The following RASL10B variants were observed in gnomAD, a reference collection of about 807,000 sequenced individuals.
RASL10B encodes RAS like family 10 member B.
A neutral mutation model predicts 20.7 loss-of-function variants in RASL10B; 10 were observed. The observed-to-expected ratio is 0.48, with a 90% confidence interval of 0.30 to 0.82. The LOEUF (loss-of-function observed/expected upper bound fraction) is 0.82, where lower values mean the gene tolerates loss of function less well. Among genes scored for constraint, RASL10B ranks in the 40% least tolerant of loss-of-function variants. The probability of loss-of-function intolerance (pLI) is 0.07; values close to 1 mark genes in which losing one functional copy is unlikely to be tolerated. For missense variants in RASL10B, 231 were observed against 295.4 expected, an observed-to-expected ratio of 0.78 and a Z score of 1.60; for synonymous variants, 110 against 123.3, an observed-to-expected ratio of 0.89 and a Z score of 0.72.
At position 35,740,411 on chromosome 17, in the gene RASL10B, G is replaced by C; in HGVS notation, c.219G>C (p.Glu73Asp). The C allele has an allele frequency of 6.2e-7, 1 of 1,613,564 alleles. No homozygotes were observed. The change falls in exon 3 of 4, where the codon GAG (glutamate) becomes GAC (aspartate). Residue 73 changes from glutamate to aspartate, a missense_variant and splice_region_variant. Coordinates refer to ENST00000603017, the MANE Select transcript of RASL10B (RefSeq NM_033315.4). ...ISAFPVNTLQ[E>D]WADTCCRGLR... ...GGTACTGGCTGGGGATATTGCAGGA[G>C]TGGGCAGACACCTGCTGCAGGGGAC...
chr17:35,734,366 G>T (rs1555596780), intron 1 of RASL10B, among the ~76,000 whole-genome samples: 3 of 152,258 alleles, frequency 2.0e-5, no homozygotes, highest in South Asian at 2.1e-4. Context: ...CTCTAAAGTG[G>T]GAATAACAGT....
At chr17:35,736,436 G>A (rs1267702383) in intron 2 of RASL10B, among the ~76,000 whole-genome samples, 1 of 152,212 alleles carries the variant, frequency 6.6e-6, no homozygotes, top group East Asian at 1.9e-4. Flanking sequence ...GGCAACACCA[G>A]GCAGGAGGGC....
rs1555597066 is a variant in RASL10B, at chr17:35,735,414, G to A, written c.216+14G>A. 2 of 1,611,822 alleles carry A rather than the reference G, an allele frequency of 1.2e-6. No individual in the cohort carries two copies. Among genetic ancestry groups the A allele is most frequent in the Non-Finnish European group, 1.7e-6 (2 of 1,178,320 alleles). ...AATACGCTCCAGGTAGGAGGACCCT[G>A]GGGGGCATGGGTTAGTGGGGAAACG... is the stretch of plus-strand genomic sequence containing the variant. On this transcript the variant is annotated intron_variant, in intron 2 of 3. Transcript: ENST00000603017. This position sits in a 1 kb window ranked among gnomAD's most constrained non-coding sequence, Gnocchi z 6.7.
chr17:35,741,502 C>G lies in RASL10B; in HGVS notation c.*197C>G. 2.4e-6 allele frequency: 2 copies of G among 830,918 alleles called. No individual in the cohort carries two copies. Among genetic ancestry groups the G allele is most frequent in the Non-Finnish European group, 3.4e-6 (2 of 592,616 alleles). The allele number at this position is 830,918 out of a possible 1,614,324, so 51.5% of individuals were successfully genotyped here. ...AACTGCCCAGCCCTGCCCCTTGCCC[C>G]CGTGGCTTCCTGGGACAGCCGCCTT... On this transcript the variant is annotated 3_prime_UTR_variant, in exon 4 of 4. Transcript: ENST00000603017.
chr17:35,737,730 C>T (rs868926027), intron 2 of RASL10B, among the ~76,000 whole-genome samples: 1 of 151,804 alleles, frequency 6.6e-6, no homozygotes, highest in Non-Finnish European at 1.5e-5. Flanking sequence ...GACAAAACTC[C>T]GTCTCTACCA....
chr17:35,735,738 T>C lies in RASL10B; in HGVS notation c.216+338T>C, dbSNP rs782031572. 6.6e-6 allele frequency among the ~76,000 whole-genome samples: 1 copy of C among 152,170 alleles called. No homozygotes were observed. Among genetic ancestry groups the C allele is most frequent in the Non-Finnish European group, 1.5e-5 (1 of 68,032 alleles). Reference sequence around the variant, plus strand: ...AAATATGGTGTGATAAGTTCTATGATTGGAGGAGCAGGGAGCTGGGGCAGC... The same window carrying C: ...AAATATGGTGTGATAAGTTCTATGACTGGAGGAGCAGGGAGCTGGGGCAGC... On this transcript the variant is annotated intron_variant, in intron 2 of 3. Coordinates refer to ENST00000603017, the MANE Select transcript of RASL10B (RefSeq NM_033315.4). The surrounding 1 kb of genome is among the most constrained non-coding windows in gnomAD (Gnocchi z 6.7).
chr17:35,741,113 C>T lies in RASL10B; in HGVS notation c.420C>T (p.Arg140=). 6.2e-7 allele frequency: 1 copy of T among 1,613,566 alleles called. No individual in the cohort carries two copies. The highest frequency in any genetic ancestry group is 8.5e-7 in the Non-Finnish European group (1 of 1,179,996). ...RDLQRGRVIP[R]WNVSHLVRKT... ...TGCAGCGCGGACGCGTGATCCCGCG[C>T]TGGAACGTGTCGCACCTGGTACGCA... Residue 140 remains arginine (R), a synonymous_variant, in exon 4 of 4, where the codon CGC becomes CGT. Coordinates refer to ENST00000603017, the MANE Select transcript of RASL10B (RefSeq NM_033315.4).
At chr17:35,738,932 G>A (rs1042516651) in intron 2 of RASL10B, among the ~76,000 whole-genome samples, 10 of 152,274 alleles carry the variant, frequency 6.6e-5, no homozygotes, top group African/African-American at 1.9e-4. Flanking sequence ...TTGGGGGATC[G>A]TGGGAGCATC....
At chr17:35,732,884 G>C (rs781932337) in intron 1 of RASL10B, among the ~76,000 whole-genome samples, 10 of 152,172 alleles carry the variant, frequency 6.6e-5, no homozygotes, top group Non-Finnish European at 8.8e-5. Context: ...TGCCATGCTG[G>C]TGGTAGTGGT....
In RASL10B at chr17:35,741,562, C is replaced by T. The variant is rs1555597993; in HGVS notation, c.*257C>T. On this transcript the variant is annotated 3_prime_UTR_variant, in exon 4 of 4. Transcript: ENST00000603017. ...ATTTAGTGCAGTGCCCGGCCCGACC[C>T]GCGGGGGTGCCACAGCCTTTTGGGA... is the stretch of plus-strand genomic sequence containing the variant. 2.3e-6 allele frequency: 1 copy of T among 439,820 alleles called. No individual in the cohort carries two copies. The highest frequency in any genetic ancestry group is 3.8e-6 in the Non-Finnish European group (1 of 263,446). 27.2% of individuals were successfully genotyped at this position (439,820 alleles called of 1,614,324 possible).
chr17:35,741,102 G>C lies in RASL10B; in HGVS notation c.409G>C (p.Val137Leu). The C allele has an allele frequency of 9.3e-6, 15 of 1,613,326 alleles. No homozygotes were observed. The highest frequency in any genetic ancestry group is 1.3e-5 in the Non-Finnish European group (15 of 1,179,852). ...CAAGCGGGACCTGCAGCGCGGACGC[G>C]TGATCCCGCGCTGGAACGTGTCGCA... Reference protein sequence around the residue: ...GNKRDLQRGRVIPRWNVSHLV... With the variant: ...GNKRDLQRGRLIPRWNVSHLV... The change falls in exon 4 of 4, where the codon GTG (valine) becomes CTG (leucine). Residue 137 changes from valine (V) to leucine (L), a missense_variant. Physicochemically the swap from Val to Leu is conservative, Grantham distance 32. Coordinates refer to ENST00000603017, the MANE Select transcript of RASL10B (RefSeq NM_033315.4).
At position 35,740,405 on chromosome 17, in the gene RASL10B, G is replaced by A. The variant is rs1555597718; in HGVS notation, c.217-4G>A. The A allele has an allele frequency of 6.2e-7, 1 of 1,612,876 alleles. No homozygotes were observed. Among genetic ancestry groups the A allele is most frequent in the African/African-American group, 1.3e-5 (1 of 74,916 alleles). On this transcript the variant is annotated splice_polypyrimidine_tract_variant and splice_region_variant and intron_variant, in intron 2 of 3. Coordinates refer to ENST00000603017, the MANE Select transcript of RASL10B (RefSeq NM_033315.4). ...GACCCTGGTACTGGCTGGGGATATTGCAGGAGTGGGCAGACACCTGCTGCA... is the reference window on the plus strand; with the variant it reads ...GACCCTGGTACTGGCTGGGGATATTACAGGAGTGGGCAGACACCTGCTGCA...
At chr17:35,736,312 G>A (rs1422459716) in intron 2 of RASL10B, among the ~76,000 whole-genome samples, 1 of 152,216 alleles carries the variant, frequency 6.6e-6, no homozygotes, top group African/African-American at 2.4e-5. Flanking sequence ...CAGTGGTGGA[G>A]GCCCAGAAGA....
intron 3 of RASL10B, 129 bp from the exon 4 acceptor site, chr17:35,740,906 C>T (rs782589312): frequency 3.2e-5 from 24 of 741,536 alleles, no homozygotes; most frequent in Non-Finnish European, 5.2e-5. Flanking sequence ...ATAACACCTC[C>T]AGGGCTTAGG....
At chr17:35,733,251 G>T (rs587632338) in intron 1 of RASL10B, among the ~76,000 whole-genome samples, 1 of 152,208 alleles carries the variant, frequency 6.6e-6, no homozygotes, top group African/African-American at 2.4e-5. Flanking sequence ...TTTGTGGGAA[G>T]CTTAGATGAA....
chr17:35,741,949 C>T lies in RASL10B; in HGVS notation c.*644C>T, dbSNP rs1292479194. On this transcript the variant is annotated 3_prime_UTR_variant, in exon 4 of 4. Transcript: ENST00000603017. ...CAGTGAGGGGAGAAGGTTGAGCTCT[C>T]CGGCTTCCAGGGAGACCTCCCCGCC... is the stretch of plus-strand genomic sequence containing the variant. 1 of 152,740 alleles carries T rather than the reference C, an allele frequency of 6.5e-6. No homozygotes were observed. Among genetic ancestry groups the T allele is most frequent in the Non-Finnish European group, 1.5e-5 (1 of 68,222 alleles). The allele number at this position is 152,740 out of a possible 1,614,324, so 9.5% of individuals were successfully genotyped here.
At chr17:35,739,044 G>T (rs1158270968) in intron 2 of RASL10B, among the ~76,000 whole-genome samples, 5 of 152,158 alleles carry the variant, frequency 3.3e-5, no homozygotes, top group African/African-American at 1.2e-4. Flanking sequence ...GTTTGTCCTC[G>T]GCATCCTCCC....
In RASL10B at chr17:35,735,005, C is replaced by T. The variant is rs1418941244; in HGVS notation, c.-147-33C>T. 3.2e-6 allele frequency: 2 copies of T among 632,272 alleles called. No individual in the cohort carries two copies. Among genetic ancestry groups the T allele is most frequent in the Non-Finnish European group, 5.6e-6 (2 of 357,130 alleles). 39.2% of individuals were successfully genotyped at this position (632,272 alleles called of 1,614,324 possible). On this transcript the variant is annotated intron_variant, in intron 1 of 3. Transcript: ENST00000603017. The surrounding 1 kb of genome is among the most constrained non-coding windows in gnomAD (Gnocchi z 6.7). ...AGTGCAGGACACGTCCAGGGATAAG[C>T]CAGTGCACTAAGCCCACCTCTTGTC...
chr17:35,738,767 A>G (rs2085610825), intron 2 of RASL10B, among the ~76,000 whole-genome samples: 1 of 152,076 alleles, frequency 6.6e-6, no homozygotes, highest in Admixed American at 6.5e-5. Context: ...AGTGGGTGGG[A>G]GGAAGCCAGG....
Sources: gnomAD v4.1 joint callset for allele counts (sites outside exome capture counted in the v4.1 genomes callset) on GRCh38, gnomAD v4.1.1 for gene constraint, Gnocchi (gnomAD v3.1) non-coding constraint, MANE v1.5 for transcripts, NCBI Gene and HGNC (gene_info 2026-07-23, HGNC 2026-07-21) for gene names.